TANK: variants seen among roughly 807,000 people sequenced by gnomAD.
TANK encodes the protein TRAF family member-associated NF-kappa-B activator.
In TANK, 15 loss-of-function variants were observed where a neutral mutation model predicts 43.6. The ratio of observed to expected loss-of-function variants is 0.34; its 90% CI spans 0.23 to 0.53. The LOEUF (loss-of-function observed/expected upper bound fraction) is 0.53. Ranked by LOEUF, TANK falls within the 20% of genes least tolerant of loss-of-function variation. The probability of loss-of-function intolerance (pLI) is 0.94; values close to 1 mark genes in which losing one functional copy is unlikely to be tolerated. For missense variants in TANK, 417 were observed against 498.6 expected (o/e 0.84, Z 1.56); for synonymous variants, 162 against 178.2 (o/e 0.91, Z 0.73).
At chr2:161,150,213 G>C (rs1239685142) in intron 1 of TANK, among the ~76,000 whole-genome samples, 1 of 151,994 alleles carries the variant, frequency 6.6e-6, no homozygotes, top group African/African-American at 2.4e-5. Flanking sequence ...TAGTCTATGT[G>C]TTTTTAGGAA....
intron 1 of TANK, among the ~76,000 whole-genome samples, chr2:161,154,901 C>T (rs1471861634): frequency 6.6e-6 from 1 of 151,998 alleles, no homozygotes; most frequent in African/African-American, 2.4e-5. Flanking sequence ...TGTACCACAA[C>T]ACCTGGCTAA....
intron 1 of TANK, among the ~76,000 whole-genome samples, chr2:161,169,182 A>G (rs2105269727): frequency 6.6e-6 from 1 of 152,366 alleles, no homozygotes; most frequent in Non-Finnish European, 1.5e-5. Context: ...AAGGCTTTCC[A>G]TCAGGCATAG....
At chr2:161,184,196 C>G (rs557738021) in intron 2 of TANK, among the ~76,000 whole-genome samples, 1 of 152,236 alleles carries the variant, frequency 6.6e-6, no homozygotes, top group South Asian at 2.1e-4. Flanking sequence ...ATTAGTATGG[C>G]TAAGTAGTTT....
upstream of TANK, chr2:161,156,333 C>T (rs1359043874): frequency 1.0e-6 from 1 of 985,258 alleles, no homozygotes; most frequent in Non-Finnish European, 1.2e-6. Context: ...GCATGTTGTT[C>T]TGTGTCCTTA....
chr2:161,202,966 TGGAG>T, intron 2 of TANK: 1 of 390,528 alleles, frequency 2.6e-6, no homozygotes, highest in South Asian at 1.9e-5. Flanking sequence ...TAAAACTTAG[TGGAG>T]AAGTTTCTGG....
At chr2:161,177,806 A>G (rs550751256) in intron 1 of TANK, among the ~76,000 whole-genome samples, 1 of 152,252 alleles carries the variant, frequency 6.6e-6, no homozygotes, top group South Asian at 2.1e-4. Flanking sequence ...TAGAATATAT[A>G]AAGAACTTTT....
rs571828721 is a variant in TANK, at chr2:161,204,417, T to G, written c.209-258T>G. Among the ~76,000 whole-genome samples the G allele has an allele frequency of 6.6e-5, 10 of 152,316 alleles. No individual in the cohort carries two copies. The South Asian group carries it at 2.1e-3, about 32-fold the overall frequency. ...GTTGCTGACAGATGCAAAGAGCATATTTCTAGTTTTCTAAATTCTGCATAT... is the reference window on the plus strand; with the variant it reads ...GTTGCTGACAGATGCAAAGAGCATAGTTCTAGTTTTCTAAATTCTGCATAT... On this transcript the variant is annotated intron_variant, in intron 3 of 7. Transcript: ENST00000392749.
chr2:161,185,862 TAAAA>T (rs576089187), intron 2 of TANK, among the ~76,000 whole-genome samples: 4 of 151,744 alleles, frequency 2.6e-5, no homozygotes, highest in African/African-American at 4.8e-5. Context: ...TAAAGTATAA[TAAAA>T]AAAATAATAA....
chr2:161,213,136 A>T (rs1686966324), intron 4 of TANK, among the ~76,000 whole-genome samples: 1 of 152,096 alleles, frequency 6.6e-6, no homozygotes, highest in African/African-American at 2.4e-5. Context: ...AGCCCCCAGG[A>T]TTTCTCTATT....
At chr2:161,188,093 T>C (rs1685746020) in intron 2 of TANK, among the ~76,000 whole-genome samples, 1 of 152,130 alleles carries the variant, frequency 6.6e-6, no homozygotes, top group Non-Finnish European at 1.5e-5. Context: ...TAAATGCATG[T>C]ATTGAAGAAG....
intron 1 of TANK, chr2:161,137,913 G>T (rs1683634012): frequency 5.1e-6 from 1 of 196,230 alleles, no homozygotes; most frequent in Non-Finnish European, 9.2e-6. Flanking sequence ...GGCAGAGGTT[G>T]CAATGAGCCA....
intron 1 of TANK, among the ~76,000 whole-genome samples, chr2:161,142,497 T>G (rs946097811): frequency 1.3e-5 from 2 of 152,202 alleles, no homozygotes; most frequent in African/African-American, 2.4e-5. Flanking sequence ...TTAATTTTTG[T>G]ATAAGGTGTA....
chr2:161,157,943 C>G (rs1030573530), upstream of TANK, among the ~76,000 whole-genome samples: 2 of 152,208 alleles, frequency 1.3e-5, no homozygotes, highest in African/African-American at 4.8e-5. Context: ...CTTGGCCTCC[C>G]GAAGTGCTGG....
At chr2:161,195,759 T>A (rs1485128462) in intron 2 of TANK, among the ~76,000 whole-genome samples, 1 of 152,026 alleles carries the variant, frequency 6.6e-6, no homozygotes, top group Non-Finnish European at 1.5e-5. Flanking sequence ...GGTAATAGAT[T>A]TAAGAGATAT....
At position 161,151,799 on chromosome 2, in the gene TANK, C is replaced by T. The variant is rs149273811; in HGVS notation, c.-50+14736C>T. On this transcript the variant is annotated intron_variant, in intron 1 of 7. Transcript: ENST00000259075. ...GTAATTATTGATAAGGAAGGTCTTA[C>T]GGCTGCCATTTTGCTATTTGATTTC... Among the ~76,000 whole-genome samples, 527 of 152,214 alleles carry T rather than the reference C, an allele frequency of 3.5e-3. 4 individuals carry two copies. Among genetic ancestry groups the T allele is most frequent in the African/African-American group, 0.011 (469 of 41,554 alleles).
chr2:161,187,581 A>G (rs1186554521), intron 2 of TANK, among the ~76,000 whole-genome samples: 1 of 152,216 alleles, frequency 6.6e-6, no homozygotes, highest in Non-Finnish European at 1.5e-5. Context: ...CATTGACACT[A>G]TTGAAGGAAG....
intron 1 of TANK, among the ~76,000 whole-genome samples, chr2:161,168,270 A>G (rs1684782575): frequency 6.6e-6 from 1 of 152,310 alleles, no homozygotes; most frequent in South Asian, 2.1e-4. Flanking sequence ...TTCATTTTAA[A>G]AGGAGTGGCA....
upstream of TANK, chr2:161,160,211 T>C (rs569789310): frequency 1.5e-5 from 6 of 389,412 alleles, no homozygotes; most frequent in Admixed American, 4.5e-5. Flanking sequence ...TCTCTTCCGC[T>C]GCTGACGCTT....
At chr2:161,153,893 G>A (rs535976607) in intron 1 of TANK, among the ~76,000 whole-genome samples, 1 of 152,190 alleles carries the variant, frequency 6.6e-6, no homozygotes, top group African/African-American at 2.4e-5. Flanking sequence ...TTAGTAAATG[G>A]CAATACCAAC....
Sources: allele counts gnomAD v4.1 joint callset (sites outside exome capture counted in the v4.1 genomes callset), GRCh38; gene constraint gnomAD v4.1.1; transcripts MANE v1.5; gene names NCBI Gene and HGNC (gene_info 2026-07-23, HGNC 2026-07-21).